Variants in INSR observed in about 807,000 individuals in gnomAD.
INSR encodes insulin receptor, also known as IR.
INSR carries 67 observed loss-of-function variants against 142.6 expected under a neutral mutation model. That is an observed-to-expected ratio of 0.47 (90% CI 0.39 to 0.58). The LOEUF (loss-of-function observed/expected upper bound fraction) is 0.58, where lower values mean the gene tolerates loss of function less well. Ranked by LOEUF, INSR falls within the 20% of genes least tolerant of loss-of-function variation. INSR has a pLI of 0.00. For synonymous variants in INSR, 756 were observed against 743.1 expected (o/e 1.02, Z -0.28); for missense variants, 1,248 against 1,833.2 (o/e 0.68, Z 5.83).
intron 9 of INSR, among the ~76,000 whole-genome samples, chr19:7,157,011 G>A (rs111999112): frequency 8.0e-5 from 12 of 150,544 alleles, no homozygotes; most frequent in Non-Finnish European, 1.5e-4. Context: ...ATGGAGTCTC[G>A]CTCTTGTTGC....
At chr19:7,162,903 A>T in intron 9 of INSR, 129 bp downstream of exon 9, 2 of 757,650 alleles carry the variant, frequency 2.6e-6, no homozygotes, top group Non-Finnish European at 4.8e-6. Flanking sequence ...GATAGAATGG[A>T]GTGTGTGTGT....
chr19:7,218,811 T>C (rs1015719347), intron 2 of INSR, among the ~76,000 whole-genome samples: 1 of 152,144 alleles, frequency 6.6e-6, no homozygotes. Context: ...CCCAAAGTGC[T>C]GAGATTACAG....
intron 2 of INSR, among the ~76,000 whole-genome samples, chr19:7,186,131 G>T (rs1304969684): frequency 6.6e-6 from 1 of 152,130 alleles, no homozygotes; most frequent in African/African-American, 2.4e-5. Context: ...GGGAGGGGAG[G>T]TTGCAGGGAG....
At chr19:7,234,624 C>A (rs985880846) in intron 2 of INSR, among the ~76,000 whole-genome samples, 8 of 152,098 alleles carry the variant, frequency 5.3e-5, no homozygotes, top group African/African-American at 1.7e-4. Flanking sequence ...TACCAAGGCA[C>A]AAGTGTACAA....
chr19:7,238,804 G>C (rs1312492558), intron 2 of INSR, among the ~76,000 whole-genome samples: 1 of 151,380 alleles, frequency 6.6e-6, no homozygotes, highest in South Asian at 2.1e-4. Flanking sequence ...TCTCTCAATG[G>C]GCCCCATGCT....
chr19:7,138,189 C>T (rs1188984780), intron 13 of INSR, among the ~76,000 whole-genome samples: 1 of 151,872 alleles, frequency 6.6e-6, no homozygotes, highest in Non-Finnish European at 1.5e-5. Context: ...TGGTCTCGAT[C>T]TCCTGACCTC....
chr19:7,258,969 CTTT>C (rs926665208), intron 2 of INSR, among the ~76,000 whole-genome samples: 1 of 139,722 alleles, frequency 7.2e-6, no homozygotes, highest in African/African-American at 2.7e-5. Context: ...TCCCTCCTTC[CTTT>C]TTTTCTTTCC....
rs369265789 is a variant in INSR, at chr19:7,206,753, A to G, written c.653-22116T>C. 8.5e-5 allele frequency among the ~76,000 whole-genome samples: 13 copies of G among 152,278 alleles called. No homozygotes were observed. In the South Asian group the frequency reaches 1.2e-3, roughly 15 times the overall value. ...GGGTGGCAGAGTGAGACCCTGTCTC[A>G]ACAACAACGACCACAACAAAAACAA... is the stretch of plus-strand genomic sequence containing the variant. On this transcript the variant is annotated intron_variant, in intron 2 of 21. Transcript: ENST00000302850.
intron 11 of INSR, among the ~76,000 whole-genome samples, chr19:7,143,948 A>G (rs1415571032): frequency 6.6e-6 from 1 of 151,966 alleles, no homozygotes; most frequent in African/African-American, 2.4e-5. Flanking sequence ...CCAGCTACTC[A>G]GGAGGCTGAG....
In INSR at chr19:7,248,127, C is replaced by T. The variant is rs115849357; in HGVS notation, c.652+19218G>A. On this transcript the variant is annotated intron_variant, in intron 2 of 21. Transcript: ENST00000302850. ...CAACCTGGGCAACACAGCAAGACTCCATCTTTTATTTTTTATTTTTTATTT... is the reference window on the plus strand; with the variant it reads ...CAACCTGGGCAACACAGCAAGACTCTATCTTTTATTTTTTATTTTTTATTT... Among the ~76,000 whole-genome samples, 1,397 of 151,832 alleles carry T rather than the reference C, an allele frequency of 9.2e-3. 24 individuals carry two copies. Among genetic ancestry groups the T allele is most frequent in the African/African-American group, 0.032 (1,334 of 41,430 alleles).
intron 2 of INSR, among the ~76,000 whole-genome samples, chr19:7,263,056 T>C (rs987879759): frequency 2.0e-5 from 3 of 152,070 alleles, no homozygotes; most frequent in Non-Finnish European, 4.4e-5. Flanking sequence ...GGTGGGTGTA[T>C]TGCTCGAGGC....
In INSR at chr19:7,116,432, G is replaced by C. The variant is rs1222294372; in HGVS notation, c.*624C>G. The C allele has an allele frequency of 6.6e-6, 1 of 151,646 alleles. No homozygotes were observed. Among genetic ancestry groups the C allele is most frequent in the African/African-American group, 2.4e-5 (1 of 41,108 alleles). 9.4% of individuals were successfully genotyped at this position (151,646 alleles called of 1,614,324 possible). On this transcript the variant is annotated 3_prime_UTR_variant, in exon 22 of 22. Coordinates refer to ENST00000302850, the MANE Select transcript of INSR (RefSeq NM_000208.4). ...GACACACACACGTGCATACACACGT[G>C]AGCACACGCCGGGACCACAGACCCT...
chr19:7,214,529 T>C (rs1975372138), intron 2 of INSR, among the ~76,000 whole-genome samples: 1 of 152,132 alleles, frequency 6.6e-6, no homozygotes, highest in Non-Finnish European at 1.5e-5. Context: ...GATGGAAAAA[T>C]GACATTCTCT....
Position 7,225,941 on chromosome 19 carries a change from C to T in INSR, c.653-41304G>A, listed in dbSNP as rs530214502. 6.6e-6 allele frequency among the ~76,000 whole-genome samples: 1 copy of T among 152,322 alleles called. No homozygotes were observed. Among genetic ancestry groups the T allele is most frequent in the Middle Eastern group, 3.4e-3 (1 of 294 alleles). ...GACGGCCCCACCCCAGAGAACAATC[C>T]AGCCCCAGTATCCGCAGGCCCCAGG... On this transcript the variant is annotated intron_variant, in intron 2 of 21. Coordinates refer to ENST00000302850, the MANE Select transcript of INSR (RefSeq NM_000208.4). This position sits in a 1 kb window ranked among gnomAD's most constrained non-coding sequence, Gnocchi z 4.7.
intron 17 of INSR, among the ~76,000 whole-genome samples, chr19:7,124,541 GAAAAAAAAAAAAAAAAAAAAAAAAAAAA>G (rs531613079): frequency 1.0e-4 from 1 of 9,920 alleles, no homozygotes; most frequent in Non-Finnish European, 1.6e-4. Flanking sequence ...TCCGTTTCAG[GAAAAAAAAAAAAAAAAAAAAAAAAAAAA>G]AAAAAAAAAA....
chr19:7,138,176 G>T lies in INSR; in HGVS notation c.2682+3501C>A, dbSNP rs372301128. On this transcript the variant is annotated intron_variant, in intron 13 of 21. Coordinates refer to ENST00000302850, the MANE Select transcript of INSR (RefSeq NM_000208.4). Reference sequence around the variant, plus strand: ...AGACGGGGTTTCACCGTGTTAGCCAGGATGGTCTCGATCTCCTGACCTCAT... The same window carrying T: ...AGACGGGGTTTCACCGTGTTAGCCATGATGGTCTCGATCTCCTGACCTCAT... 1.6e-4 allele frequency among the ~76,000 whole-genome samples: 24 copies of T among 151,772 alleles called. No homozygotes were observed. The East Asian group carries it at 3.3e-3, about 21-fold the overall frequency.
chr19:7,124,046 C>T (rs1419118887), intron 17 of INSR, among the ~76,000 whole-genome samples: 1 of 151,814 alleles, frequency 6.6e-6, no homozygotes, highest in African/African-American at 2.4e-5. Flanking sequence ...ACAGTGAAAC[C>T]CCGTCTCTAC....
intron 1 of INSR, among the ~76,000 whole-genome samples, chr19:7,287,249 TC>T (rs2145250477): frequency 6.8e-6 from 1 of 147,760 alleles, no homozygotes; most frequent in South Asian, 2.1e-4. Context: ...AACCTCCACC[TC>T]CCAGGTTCAA....
At chr19:7,137,364 A>T (rs1225003691) in intron 13 of INSR, among the ~76,000 whole-genome samples, 1 of 151,924 alleles carries the variant, frequency 6.6e-6, no homozygotes, top group Non-Finnish European at 1.5e-5. Context: ...ACCTCAGTCT[A>T]GCTGGGAATG....
Sources: gnomAD v4.1 joint callset for allele counts (sites outside exome capture counted in the v4.1 genomes callset) on GRCh38, gnomAD v4.1.1 for gene constraint, Gnocchi (gnomAD v3.1) non-coding constraint, MANE v1.5 for transcripts, NCBI Gene and HGNC (gene_info 2026-07-23, HGNC 2026-07-21) for gene names.